GALNT13: variants seen among roughly 807,000 people sequenced by gnomAD.
GALNT13 encodes the protein UDP-GalNAc:polypeptide N-acetylgalactosaminyltransferase 13.
In GALNT13, 28 loss-of-function variants were observed where a neutral mutation model predicts 64.2. The ratio of observed to expected loss-of-function variants is 0.44; its 90% CI spans 0.32 to 0.60. The LOEUF (loss-of-function observed/expected upper bound fraction) is 0.60. Ranked by LOEUF, GALNT13 falls within the 20% of genes least tolerant of loss-of-function variation. GALNT13 has a pLI of 0.05. For missense variants in GALNT13, 577 were observed against 669.8 expected (o/e 0.86, Z 1.53); for synonymous variants, 214 against 224.6 (o/e 0.95, Z 0.42).
the GALNT13 span, among the ~76,000 whole-genome samples, chr2:153,130,117 A>G: frequency 6.6e-6 from 1 of 152,110 alleles, no homozygotes; most frequent in African/African-American, 2.4e-5. Flanking sequence ...TCTCTCTTCA[A>G]GTATGCCCAG....
At chr2:153,656,677 AT>A in the GALNT13 span, among the ~76,000 whole-genome samples, 1 of 152,116 alleles carries the variant, frequency 6.6e-6, no homozygotes, top group East Asian at 1.9e-4. Context: ...CATCTAGGTT[AT>A]TTGAAGGCTA....
At chr2:154,275,880 G>C (rs1023719205) in intron 8 of GALNT13, among the ~76,000 whole-genome samples, 2 of 152,218 alleles carry the variant, frequency 1.3e-5, no homozygotes, top group African/African-American at 4.8e-5. Context: ...AGCTACCCAA[G>C]GCCGTGGGAG....
intron 9 of GALNT13, among the ~76,000 whole-genome samples, chr2:154,338,874 G>T (rs990184184): frequency 2.6e-5 from 4 of 151,920 alleles, no homozygotes; most frequent in African/African-American, 9.7e-5. Flanking sequence ...CTATATCTAG[G>T]AATTGACTAA....
the GALNT13 span, among the ~76,000 whole-genome samples, chr2:153,150,265 GT>G: frequency 6.6e-6 from 1 of 151,986 alleles, no homozygotes; most frequent in African/African-American, 2.4e-5. Context: ...ACCTATAAAT[GT>G]CCTCTTTTGA....
At chr2:153,388,966 C>G in the GALNT13 span, among the ~76,000 whole-genome samples, 10 of 152,222 alleles carry the variant, frequency 6.6e-5, 1 homozygote, top group African/African-American at 2.2e-4. Context: ...ATAGGGCTAA[C>G]AGCCATTTCC....
the GALNT13 span, among the ~76,000 whole-genome samples, chr2:153,626,091 A>G: frequency 6.6e-6 from 1 of 152,130 alleles, no homozygotes; most frequent in Non-Finnish European, 1.5e-5. Flanking sequence ...ACTGTAAGAG[A>G]CACTACCTTA....
the GALNT13 span, among the ~76,000 whole-genome samples, chr2:153,310,526 T>C: frequency 1.3e-5 from 2 of 152,158 alleles, no homozygotes; most frequent in African/African-American, 4.8e-5. Flanking sequence ...TATAATATAC[T>C]TCCACTTAAG....
chr2:153,546,043 C>T, the GALNT13 span, among the ~76,000 whole-genome samples: 1 of 152,164 alleles, frequency 6.6e-6, no homozygotes, highest in Admixed American at 6.5e-5. Context: ...CTTCCTCATT[C>T]CCACCATCCT....
chr2:154,423,825 C>A (rs530615340), intron 11 of GALNT13, among the ~76,000 whole-genome samples: 4 of 152,204 alleles, frequency 2.6e-5, no homozygotes, highest in Admixed American at 6.5e-5. Context: ...ATAGTGGCAA[C>A]TTTACAATGG....
the GALNT13 span, among the ~76,000 whole-genome samples, chr2:153,587,078 A>G: frequency 6.6e-6 from 1 of 151,904 alleles, no homozygotes; most frequent in Admixed American, 6.6e-5. Context: ...CTAAAAATAC[A>G]AAAAAATTAG....
At chr2:154,071,604 T>A (rs1442604995) in intron 3 of GALNT13, among the ~76,000 whole-genome samples, 1 of 152,162 alleles carries the variant, frequency 6.6e-6, no homozygotes. Context: ...CTATGAAATA[T>A]GTTGATAATC....
At chr2:153,847,400 G>GCACA in the GALNT13 span, among the ~76,000 whole-genome samples, 2 of 150,054 alleles carry the variant, frequency 1.3e-5, no homozygotes, top group African/African-American at 4.9e-5. Flanking sequence ...GTGCTCATGC[G>GCACA]CACACACACA....
At chr2:153,579,637 C>A in the GALNT13 span, among the ~76,000 whole-genome samples, 2 of 152,094 alleles carry the variant, frequency 1.3e-5, no homozygotes, top group Non-Finnish European at 2.9e-5. Flanking sequence ...GGTCCCCAAC[C>A]CCTGGGCCAT....
Position 154,451,177 on chromosome 2 carries a change from T to G in GALNT13, c.*626T>G, listed in dbSNP as rs1483105146. ...AGAGAAGGAAACTTTTTAAATTCAATTTAGAGTACATAAAAAAAGAAATCC... is the reference window on the plus strand; with the variant it reads ...AGAGAAGGAAACTTTTTAAATTCAAGTTAGAGTACATAAAAAAAGAAATCC... On this transcript the variant is annotated 3_prime_UTR_variant, in exon 13 of 13. Transcript: ENST00000392825. The G allele has an allele frequency of 6.6e-6, 1 of 152,100 alleles. No homozygotes were observed. Among genetic ancestry groups the G allele is most frequent in the Non-Finnish European group, 1.5e-5 (1 of 68,010 alleles). The allele number at this position is 152,100 out of a possible 1,614,324, so 9.4% of individuals were successfully genotyped here.
intron 3 of GALNT13, among the ~76,000 whole-genome samples, chr2:153,993,607 G>A (rs930585089): frequency 6.8e-6 from 1 of 146,892 alleles, no homozygotes; most frequent in Non-Finnish European, 1.5e-5. Context: ...TGAGGCAGGA[G>A]AATGTGTGAA....
At chr2:153,181,023 A>AT in the GALNT13 span, among the ~76,000 whole-genome samples, 3 of 32,136 alleles carry the variant, frequency 9.3e-5, no homozygotes, top group Non-Finnish European at 1.3e-4. Flanking sequence ...TCTGGTTTTT[A>AT]TTGTTTCTTT....
At chr2:154,164,500 G>A (rs527704182) in intron 4 of GALNT13, among the ~76,000 whole-genome samples, 4 of 152,010 alleles carry the variant, frequency 2.6e-5, no homozygotes, top group African/African-American at 4.8e-5. Flanking sequence ...GGAAAGATAC[G>A]ACAGATTTAT....
chr2:153,906,402 C>A (rs1304175882), intron 2 of GALNT13, among the ~76,000 whole-genome samples: 1 of 138,514 alleles, frequency 7.2e-6, no homozygotes, highest in Non-Finnish European at 1.6e-5. Flanking sequence ...CCCCTCCCCC[C>A]ACTCCACAAC....
chr2:153,673,408 G>A, the GALNT13 span, among the ~76,000 whole-genome samples: 9 of 152,054 alleles, frequency 5.9e-5, no homozygotes, highest in Admixed American at 2.0e-4. Context: ...TTCAACATAC[G>A]CAAATCAATA....
Sources: allele counts gnomAD v4.1 joint callset (sites outside exome capture counted in the v4.1 genomes callset), GRCh38; gene constraint gnomAD v4.1.1; transcripts MANE v1.5; gene names NCBI Gene and HGNC (gene_info 2026-07-23, HGNC 2026-07-21).